NSL1: variants seen among roughly 807,000 people sequenced by gnomAD.
The protein encoded by NSL1 is kinetochore-associated protein NSL1 homolog.
In NSL1, 11 loss-of-function variants were observed where a neutral mutation model predicts 25.4. That is an observed-to-expected ratio of 0.43 (90% confidence interval 0.27 to 0.72). The LOEUF (loss-of-function observed/expected upper bound fraction) is 0.72, where lower values mean the gene tolerates loss of function less well. NSL1 is among the 30% of genes least tolerant of loss of function. The probability of loss-of-function intolerance (pLI) is 0.19; values close to 1 mark genes in which losing one functional copy is unlikely to be tolerated. For missense variants in NSL1, 330 were observed against 342.7 expected, an observed-to-expected ratio of 0.96 and a Z score of 0.29; for synonymous variants, 118 against 120.6, an observed-to-expected ratio of 0.98 and a Z score of 0.14.
At chr1:212,752,620 A>T (rs184116893) in intron 4 of NSL1, among the ~76,000 whole-genome samples, 1 of 152,248 alleles carries the variant, frequency 6.6e-6, no homozygotes, top group East Asian at 1.9e-4. Flanking sequence ...AAGGTTGTAA[A>T]TGTCAAATGA....
chr1:212,752,037 G>A (rs1659088384), intron 4 of NSL1, among the ~76,000 whole-genome samples: 1 of 152,112 alleles, frequency 6.6e-6, no homozygotes, highest in African/African-American at 2.4e-5. Context: ...CTAGAACCTC[G>A]TGACACCACT....
rs777287224 is a variant in NSL1, at chr1:212,738,568, T to A, written c.686A>T (p.Asp229Val). The A allele has an allele frequency of 6.2e-7, 1 of 1,614,190 alleles. No homozygotes were observed. Among genetic ancestry groups the A allele is most frequent in the South Asian group, 1.1e-5 (1 of 91,082 alleles). ...TGTTATAAAGTTCTCAGGTTTAGCA[T>A]CTGGTTTCCTATGACAACTGGAAAA... ...EVFSSCHRKPDAKPENFITQI... is the reference protein window; with the variant it reads ...EVFSSCHRKPVAKPENFITQI... The change falls in exon 6 of 6, where the codon GAT becomes GTT. Residue 229 changes from aspartate to valine, a missense_variant. Asp to Val is a radical substitution (Grantham distance 152). Coordinates refer to ENST00000366977, the MANE Select transcript of NSL1 (RefSeq NM_015471.4).
At chr1:212,756,345 C>A (rs1017684234) in intron 4 of NSL1, among the ~76,000 whole-genome samples, 2 of 152,124 alleles carry the variant, frequency 1.3e-5, no homozygotes. Flanking sequence ...GTCTCAAACT[C>A]CTGTGCTCAA....
In NSL1 at chr1:212,775,949, T is replaced by A. The variant is rs554399068; in HGVS notation, c.499+6423A>T. Among the ~76,000 whole-genome samples, 312 of 151,924 alleles carry A rather than the reference T, an allele frequency of 2.1e-3. 3 individuals carry two copies. Among genetic ancestry groups the A allele is most frequent in the African/African-American group, 7.4e-3 (308 of 41,458 alleles). On this transcript the variant is annotated intron_variant, in intron 4 of 5. Coordinates refer to ENST00000366977, the MANE Select transcript of NSL1 (RefSeq NM_015471.4). ...TTCACGCCATTCTTCTGCCTCAGCC[T>A]CCCAAGTAGCTGGGACTACAGGCGC...
rs968773884 is a variant in NSL1 at position 212,737,489 on chromosome 1, T to C, written c.*919A>G. 11 of 983,712 alleles carry C rather than the reference T, an allele frequency of 1.1e-5. No homozygotes were observed. The highest frequency in any genetic ancestry group is 6.2e-5 in the Admixed American group (1 of 16,258). 60.9% of individuals were successfully genotyped at this position (983,712 alleles called of 1,614,324 possible). The stretch of plus-strand genomic sequence containing the variant: ...ATAATGTAAGACACACAATAAGAGC[T>C]ATAAGAAACTATAGTTAAATGTTAG... On this transcript the variant is annotated 3_prime_UTR_variant, in exon 6 of 6. Transcript: ENST00000366977.
At chr1:212,788,684 A>C (rs764675546) in intron 1 of NSL1, among the ~76,000 whole-genome samples, 1 of 152,196 alleles carries the variant, frequency 6.6e-6, no homozygotes, top group African/African-American at 2.4e-5. Context: ...ATAAAAACTA[A>C]AGAGAATGTG....
At chr1:212,782,165 C>T (rs575889898) in intron 4 of NSL1, 10 of 706,812 alleles carry the variant, frequency 1.4e-5, no homozygotes, top group Admixed American at 8.0e-5. Context: ...GCTCAGATTC[C>T]GGGGTAACAC....
intron 4 of NSL1, among the ~76,000 whole-genome samples, chr1:212,745,626 T>C (rs1375471418): frequency 6.6e-6 from 1 of 151,978 alleles, no homozygotes; most frequent in Admixed American, 6.6e-5. Context: ...GCCAAAAATA[T>C]CCTTCAAAAA....
intron 4 of NSL1, among the ~76,000 whole-genome samples, chr1:212,756,312 GT>G (rs1659306030): frequency 6.6e-6 from 1 of 152,086 alleles, no homozygotes; most frequent in African/African-American, 2.4e-5. Context: ...TAGAGACGGG[GT>G]TTTGCCATGT....
At chr1:212,777,471 G>A (rs1660427017) in intron 4 of NSL1, among the ~76,000 whole-genome samples, 1 of 152,148 alleles carries the variant, frequency 6.6e-6, no homozygotes. Flanking sequence ...TCATAAACTA[G>A]AATACTATAT....
At chr1:212,788,826 C>G (rs868222684) in intron 1 of NSL1, among the ~76,000 whole-genome samples, 1 of 152,114 alleles carries the variant, frequency 6.6e-6, no homozygotes, top group Non-Finnish European at 1.5e-5. Flanking sequence ...ACAAGCTCTA[C>G]GTAACACTAA....
rs548586749 is a variant in NSL1 at position 212,753,958 on chromosome 1, C to A, written c.500-14357G>T. Among the ~76,000 whole-genome samples, 6 of 152,176 alleles carry A rather than the reference C, an allele frequency of 3.9e-5. No homozygotes were observed. The South Asian group carries it at 1.0e-3, about 26-fold the overall frequency. ...GAACTGGGAAGATGTCAAACTTGGG[C>A]AAGGGGGCATGCATGTGTGACAGTG... On this transcript the variant is annotated intron_variant, in intron 4 of 5. Transcript: ENST00000366977.
At chr1:212,759,620 T>C (rs1424045381) in intron 4 of NSL1, among the ~76,000 whole-genome samples, 2 of 151,960 alleles carry the variant, frequency 1.3e-5, no homozygotes, top group Non-Finnish European at 2.9e-5. Context: ...CACCGCAGCA[T>C]AGCACCATTT....
At chr1:212,752,436 T>C (rs1406931950) in intron 4 of NSL1, among the ~76,000 whole-genome samples, 2 of 152,102 alleles carry the variant, frequency 1.3e-5, no homozygotes, top group Non-Finnish European at 2.9e-5. Context: ...GCCTGTAGGG[T>C]CAGCAAAAGA....
intron 4 of NSL1, among the ~76,000 whole-genome samples, chr1:212,773,669 C>CAAA (rs1660225141): frequency 1.3e-5 from 2 of 152,098 alleles, no homozygotes; most frequent in Non-Finnish European, 2.9e-5. Context: ...CCATATGCTC[C>CAAA]ACCATTCCTG....
intron 4 of NSL1, among the ~76,000 whole-genome samples, chr1:212,763,329 C>T (rs1238980734): frequency 6.6e-6 from 1 of 152,056 alleles, no homozygotes; most frequent in Non-Finnish European, 1.5e-5. Flanking sequence ...TATATAGAAC[C>T]TCCTGAAAGC....
Position 212,736,252 on chromosome 1 carries a change from G to T in NSL1, c.*2156C>A. The T allele has an allele frequency of 1.3e-6, 1 of 766,142 alleles. No homozygotes were observed. Among genetic ancestry groups the T allele is most frequent in the African/African-American group, 1.9e-5 (1 of 52,884 alleles). 47.5% of individuals were successfully genotyped at this position (766,142 alleles called of 1,614,324 possible). On this transcript the variant is annotated 3_prime_UTR_variant, in exon 6 of 6. Coordinates refer to ENST00000366977, the MANE Select transcript of NSL1 (RefSeq NM_015471.4). ...GGAGTTTCACTATGTTGCCCAGGCT[G>T]GGCTCAAGTAATCTGTCCACTTCAG...
chr1:212,776,073 C>T (rs1660352489), intron 4 of NSL1, among the ~76,000 whole-genome samples: 1 of 152,152 alleles, frequency 6.6e-6, no homozygotes, highest in Non-Finnish European at 1.5e-5. Context: ...CCTCGGCCTC[C>T]CAAAGTGCTG....
In NSL1 at chr1:212,731,081, T is replaced by C; in HGVS notation, c.*7327A>G. 3.0e-6 allele frequency: 3 copies of C among 985,094 alleles called. No individual in the cohort carries two copies. Among genetic ancestry groups the C allele is most frequent in the African/African-American group, 1.7e-5 (1 of 57,272 alleles). 61.0% of individuals were successfully genotyped at this position (985,094 alleles called of 1,614,324 possible). ...ACATTAATTTTCTCAAATCCTTTCA[T>C]ATAAAATCCCCAAGAACCCCCTTCA... On this transcript the variant is annotated 3_prime_UTR_variant, in exon 6 of 6. Transcript: ENST00000366977.
Sources: gnomAD v4.1 joint callset for allele counts (sites outside exome capture counted in the v4.1 genomes callset) on GRCh38, gnomAD v4.1.1 for gene constraint, MANE v1.5 for transcripts, NCBI Gene and HGNC (gene_info 2026-07-23, HGNC 2026-07-21) for gene names.